The following ASB5 variants were observed in gnomAD, a reference collection of about 807,000 sequenced individuals.
The protein encoded by ASB5 is ankyrin repeat and SOCS box protein 5.
A neutral mutation model predicts 42.1 loss-of-function variants in ASB5; 45 were observed. The ratio of observed to expected loss-of-function variants is 1.07; its 90% CI spans 0.84 to 1.37. The LOEUF (loss-of-function observed/expected upper bound fraction) is 1.37, where lower values mean the gene tolerates loss of function less well. ASB5 is among the 40% of genes most tolerant of loss of function. ASB5 has a pLI of 0.00. For synonymous variants in ASB5, 147 were observed against 150.6 expected, an observed-to-expected ratio of 0.98 and a Z score of 0.18; for missense variants, 402 against 399.8, an observed-to-expected ratio of 1.01 and a Z score of -0.05.
At chr4:176,229,737 G>A (rs1476851086) in intron 1 of ASB5, among the ~76,000 whole-genome samples, 1 of 152,116 alleles carries the variant, frequency 6.6e-6, no homozygotes, top group Non-Finnish European at 1.5e-5. Flanking sequence ...CTATTAATAG[G>A]ACCTCCTTTG....
chr4:176,224,770 T>C (rs1753329206), intron 2 of ASB5, among the ~76,000 whole-genome samples: 1 of 152,220 alleles, frequency 6.6e-6, no homozygotes, highest in Non-Finnish European at 1.5e-5. Flanking sequence ...TTATTTTTCC[T>C]CTGGTGAGTC....
intron 5 of ASB5, among the ~76,000 whole-genome samples, chr4:176,219,260 T>G (rs1230000137): frequency 1.8e-5 from 2 of 112,144 alleles, no homozygotes; most frequent in African/African-American, 7.3e-5. Flanking sequence ...GTATGATATA[T>G]AAATATATAT....
chr4:176,229,969 G>A (rs1462951244), intron 1 of ASB5, among the ~76,000 whole-genome samples: 1 of 152,184 alleles, frequency 6.6e-6, no homozygotes, highest in Non-Finnish European at 1.5e-5. Context: ...AGGAGGAAGT[G>A]AGAAATGGGA....
chr4:176,271,190 T>C (rs973064986), upstream of ASB5, among the ~76,000 whole-genome samples: 1 of 152,220 alleles, frequency 6.6e-6, no homozygotes, highest in African/African-American at 2.4e-5. Context: ...TTGTATGTTC[T>C]GTTGGTATAC....
chr4:176,256,608 T>C (rs1005801067), intron 1 of ASB5, among the ~76,000 whole-genome samples: 2 of 152,196 alleles, frequency 1.3e-5, no homozygotes, highest in Non-Finnish European at 2.9e-5. Flanking sequence ...TTCTTTTTTC[T>C]CATAAGGAAA....
At chr4:176,219,784 C>T (rs1032939666) in intron 5 of ASB5, among the ~76,000 whole-genome samples, 1 of 151,028 alleles carries the variant, frequency 6.6e-6, no homozygotes, top group Non-Finnish European at 1.5e-5. Context: ...CCAGGCTGGT[C>T]TCAAACTCCT....
chr4:176,269,237 C>T, upstream of ASB5: 1 of 712,874 alleles, frequency 1.4e-6, no homozygotes, highest in Non-Finnish European at 2.2e-6. Flanking sequence ...ATGCCTACAG[C>T]TCAAAATATT....
chr4:176,270,869 C>T (rs1051525357), upstream of ASB5, among the ~76,000 whole-genome samples: 4 of 152,156 alleles, frequency 2.6e-5, no homozygotes, highest in Non-Finnish European at 5.9e-5. Flanking sequence ...CTCTGAGTCA[C>T]TGCAGACTTC....
intron 1 of ASB5, among the ~76,000 whole-genome samples, chr4:176,256,486 C>T (rs1006812632): frequency 6.6e-6 from 1 of 152,140 alleles, no homozygotes; most frequent in African/African-American, 2.4e-5. Flanking sequence ...GTGCATAAGG[C>T]TCCAGATAAT....
intron 1 of ASB5, among the ~76,000 whole-genome samples, chr4:176,226,251 G>C (rs1220945549): frequency 1.3e-5 from 2 of 152,116 alleles, no homozygotes; most frequent in African/African-American, 4.8e-5. Context: ...AACCTCTCCT[G>C]GTGTTGGAAC....
At chr4:176,263,384 C>G (rs1056946238) in intron 1 of ASB5, among the ~76,000 whole-genome samples, 4 of 151,966 alleles carry the variant, frequency 2.6e-5, no homozygotes, top group African/African-American at 9.7e-5. Context: ...CTTTTCTAAA[C>G]TTGTAAGTTT....
At chr4:176,250,095 A>C (rs573186235) in intron 1 of ASB5, among the ~76,000 whole-genome samples, 1 of 151,866 alleles carries the variant, frequency 6.6e-6, no homozygotes, top group African/African-American at 2.4e-5. Context: ...AAAGAAAAAG[A>C]AAGTGAGTTA....
Position 176,260,396 on chromosome 4 carries a change from G to GA in ASB5, c.196+8516dup, listed in dbSNP as rs1050484736. ...TGAGGAATTGTAGAATGAGGATTGA[G>GA]AAAAAAAATCATCTAATAAATGTTC... On this transcript the variant is annotated intron_variant, in intron 1 of 6. Coordinates refer to ENST00000296525, the MANE Select transcript of ASB5 (RefSeq NM_080874.4). Among the ~76,000 whole-genome samples, 4 of 151,962 alleles carry GA rather than the reference G, an allele frequency of 2.6e-5. No individual in the cohort carries two copies. In the South Asian group the frequency reaches 6.2e-4, roughly 24 times the overall value.
At chr4:176,259,744 G>T (rs1236377276) in intron 1 of ASB5, among the ~76,000 whole-genome samples, 2 of 152,214 alleles carry the variant, frequency 1.3e-5, no homozygotes. Context: ...CAGCTGAGGT[G>T]AGCCAGTGCT....
chr4:176,265,147 A>G (rs1754332527), intron 1 of ASB5, among the ~76,000 whole-genome samples: 1 of 152,134 alleles, frequency 6.6e-6, no homozygotes, highest in African/African-American at 2.4e-5. Flanking sequence ...TTAAGTCTGA[A>G]TTGTTTAGCA....
chr4:176,233,218 T>A (rs998583665), intron 1 of ASB5, among the ~76,000 whole-genome samples: 4 of 152,232 alleles, frequency 2.6e-5, no homozygotes, highest in African/African-American at 7.2e-5. Context: ...GAAGGAAGGA[T>A]AACTTATTTA....
intron 1 of ASB5, among the ~76,000 whole-genome samples, chr4:176,256,165 T>C (rs1754152122): frequency 6.6e-6 from 1 of 152,158 alleles, no homozygotes; most frequent in African/African-American, 2.4e-5. Flanking sequence ...AAGCTTTGAG[T>C]AGTAAAAACT....
intron 1 of ASB5, among the ~76,000 whole-genome samples, chr4:176,247,541 C>T (rs576346742): frequency 1.3e-5 from 2 of 152,288 alleles, no homozygotes; most frequent in South Asian, 4.1e-4. Context: ...ACTAGACTTA[C>T]ACAAACTGGG....
chr4:176,228,111 G>A (rs1031014103), intron 1 of ASB5, among the ~76,000 whole-genome samples: 2 of 152,292 alleles, frequency 1.3e-5, no homozygotes, highest in East Asian at 1.9e-4. Flanking sequence ...CGAAGTTTTA[G>A]CAAGATCTTT....
Sources: gnomAD v4.1 joint callset for allele counts (sites outside exome capture counted in the v4.1 genomes callset) on GRCh38, gnomAD v4.1.1 for gene constraint, MANE v1.5 for transcripts, NCBI Gene and HGNC (gene_info 2026-07-23, HGNC 2026-07-21) for gene names.